Variants in GREB1L observed in about 807,000 individuals in gnomAD.
GREB1L encodes the protein GREB1-like protein.
GREB1L carries 17 observed loss-of-function variants against 200.8 expected under a neutral mutation model. The ratio of observed to expected loss-of-function variants is 0.08; its 90% CI spans 0.06 to 0.13. GREB1L has a LOEUF of 0.13. GREB1L is among the 10% of genes least tolerant of loss of function. GREB1L has a pLI of 1.00. For synonymous variants in GREB1L, 789 were observed against 893.0 expected (o/e 0.88, Z 2.08); for missense variants, 1,657 against 2,367.7 (o/e 0.70, Z 6.23).
chr18:21,328,835 C>T (rs746655974), intron 1 of GREB1L, among the ~76,000 whole-genome samples: 9 of 152,102 alleles, frequency 5.9e-5, no homozygotes, highest in Non-Finnish European at 1.3e-4. Flanking sequence ...TGCCAAATGT[C>T]AGGATTTGTA....
intron 2 of GREB1L, among the ~76,000 whole-genome samples, chr18:21,374,839 T>G (rs2040007602): frequency 6.7e-6 from 1 of 149,518 alleles, no homozygotes; most frequent in Non-Finnish European, 1.5e-5. Flanking sequence ...AGGGGAACTT[T>G]TTTCCTTTTC....
chr18:21,419,211 A>T (rs1292882505), intron 7 of GREB1L, among the ~76,000 whole-genome samples: 1 of 152,228 alleles, frequency 6.6e-6, no homozygotes, highest in Non-Finnish European at 1.5e-5. Flanking sequence ...GCAGAAGGAC[A>T]AAATTGCCTA....
intron 1 of GREB1L, among the ~76,000 whole-genome samples, chr18:21,253,885 G>A (rs958338561): frequency 1.4e-5 from 2 of 141,798 alleles, no homozygotes; most frequent in African/African-American, 5.5e-5. Context: ...CACCTAGGCT[G>A]GAGTGCAGTG....
intron 25 of GREB1L, among the ~76,000 whole-genome samples, chr18:21,507,343 G>T (rs1212707175): frequency 6.6e-6 from 1 of 152,122 alleles, no homozygotes; most frequent in African/African-American, 2.4e-5. Context: ...CTAGAATTAA[G>T]GGAAGAAGTG....
At chr18:21,273,490 CTATT>C (rs754156843) in intron 1 of GREB1L, among the ~76,000 whole-genome samples, 1 of 151,932 alleles carries the variant, frequency 6.6e-6, no homozygotes, top group Non-Finnish European at 1.5e-5. Flanking sequence ...TTTTAATTGT[CTATT>C]CATTAATTCA....
At chr18:21,260,034 C>T (rs534010605) in intron 1 of GREB1L, among the ~76,000 whole-genome samples, 1 of 151,880 alleles carries the variant, frequency 6.6e-6, no homozygotes, top group East Asian at 1.9e-4. Context: ...TGAATGAAAG[C>T]TCATTTGGAC....
chr18:21,297,100 T>C (rs2038542062), intron 1 of GREB1L, among the ~76,000 whole-genome samples: 1 of 152,096 alleles, frequency 6.6e-6, no homozygotes, highest in Non-Finnish European at 1.5e-5. Context: ...CCTGGAAGCT[T>C]TTTAGAAATG....
intron 1 of GREB1L, among the ~76,000 whole-genome samples, chr18:21,336,502 A>G (rs1379595700): frequency 2.0e-5 from 3 of 152,226 alleles, no homozygotes; most frequent in African/African-American, 4.8e-5. Context: ...TGGGAATTAC[A>G]TGGGATGACA....
intron 28 of GREB1L, 69 bp from the exon 29 acceptor site, chr18:21,515,348 T>C (rs902213924): frequency 4.8e-6 from 5 of 1,047,978 alleles, no homozygotes; most frequent in African/African-American, 3.2e-5. Context: ...TAGTAGTGTG[T>C]AGACACTTCA....
At chr18:21,340,018 G>A (rs900353370) in intron 1 of GREB1L, among the ~76,000 whole-genome samples, 1 of 152,170 alleles carries the variant, frequency 6.6e-6, no homozygotes, top group Non-Finnish European at 1.5e-5. Context: ...TTGCTTCTAA[G>A]ATCCCTCCTG....
chr18:21,361,430 C>T (rs1337123143), intron 1 of GREB1L, among the ~76,000 whole-genome samples: 3 of 152,122 alleles, frequency 2.0e-5, no homozygotes, highest in Non-Finnish European at 4.4e-5. Context: ...TAAGGTATTG[C>T]AGACCCAAGG....
chr18:21,499,775 G>C lies in GREB1L; in HGVS notation c.3438G>C (p.Lys1146Asn). ...NGVSSSSTAD[K>N]SQKQSLTPSF... Reference sequence around the variant, plus strand: ...TGAGCTCTTCCAGCACAGCTGACAAGTCCCAGAAGCAGTCCCTGACCCCCA... The same window carrying C: ...TGAGCTCTTCCAGCACAGCTGACAACTCCCAGAAGCAGTCCCTGACCCCCA... The change falls in exon 22 of 33, where the codon AAG (lysine) becomes AAC (asparagine). Residue 1146 changes from lysine (K) to asparagine (N), a missense_variant. This residue lies in a region of GREB1L where 512 missense variants were observed against 668.3 expected (regional missense o/e 0.77). Coordinates refer to ENST00000424526, the MANE Select transcript of GREB1L (RefSeq NM_001142966.3). The C allele has an allele frequency of 6.4e-7, 1 of 1,552,068 alleles. No individual in the cohort carries two copies. The highest frequency in any genetic ancestry group is 8.7e-7 in the Non-Finnish European group (1 of 1,147,060).
intron 32 of GREB1L, 42 bp downstream of exon 32, chr18:21,520,865 C>T: frequency 6.8e-7 from 1 of 1,477,998 alleles, no homozygotes; most frequent in East Asian, 2.5e-5. Context: ...GCTATTGGTT[C>T]CCACTGAGCA....
intron 6 of GREB1L, among the ~76,000 whole-genome samples, chr18:21,402,201 A>G (rs2041343980): frequency 6.6e-6 from 1 of 152,148 alleles, no homozygotes; most frequent in Non-Finnish European, 1.5e-5. Context: ...TGTTTATCCT[A>G]TTAAATTACT....
chr18:21,275,826 C>T (rs2038153653), intron 1 of GREB1L, among the ~76,000 whole-genome samples: 1 of 152,182 alleles, frequency 6.6e-6, no homozygotes, highest in East Asian at 1.9e-4. Flanking sequence ...CATGGCCATG[C>T]TTGTTCACTT....
At chr18:21,300,042 G>C (rs181333101) in intron 1 of GREB1L, among the ~76,000 whole-genome samples, 18 of 151,934 alleles carry the variant, frequency 1.2e-4, no homozygotes, top group African/African-American at 4.4e-4. Flanking sequence ...TTAATGCATC[G>C]ATCAGTAGTT....
chr18:21,500,637 A>G lies in GREB1L; in HGVS notation c.4067A>G (p.Asn1356Ser). Residue 1356 changes from asparagine (N) to serine (S), a missense_variant, in exon 23 of 33, where the codon AAC becomes AGC. Physicochemically the swap from Asn to Ser is conservative, Grantham distance 46 (BLOSUM62 1). This residue lies in a region of GREB1L where 512 missense variants were observed against 668.3 expected (regional missense o/e 0.77). Coordinates refer to ENST00000424526, the MANE Select transcript of GREB1L (RefSeq NM_001142966.3). ...GACGTGTATGATGAGGAGGAGATCA[A>G]CACCGGTGAGTGCTGAGCCCAGGGA... ...EVDVYDEEEI[N>S]TDHNESSEVS... 1 of 1,546,096 alleles carries G rather than the reference A, an allele frequency of 6.5e-7. No homozygotes were observed. The highest frequency in any genetic ancestry group is 8.7e-7 in the Non-Finnish European group (1 of 1,143,898).
chr18:21,472,511 GATGGT>G (rs1321140245), intron 15 of GREB1L, among the ~76,000 whole-genome samples: 1 of 152,298 alleles, frequency 6.6e-6, no homozygotes, highest in East Asian at 1.9e-4. Flanking sequence ...TACTGTGCAA[GATGGT>G]CACTGTATAA....
chr18:21,408,123 C>G (rs1234436466), intron 7 of GREB1L, among the ~76,000 whole-genome samples: 1 of 148,894 alleles, frequency 6.7e-6, no homozygotes, highest in Non-Finnish European at 1.5e-5. Context: ...TTGAATGTTC[C>G]CAATACACAC....
Sources: gnomAD v4.1 joint callset for allele counts (sites outside exome capture counted in the v4.1 genomes callset) on GRCh38, gnomAD v4.1.1 for gene constraint, gnomAD v4.1.1 regional missense constraint, MANE v1.5 for transcripts, NCBI Gene and HGNC (gene_info 2026-07-23, HGNC 2026-07-21) for gene names.